Variants in NRG1 observed in about 807,000 individuals in gnomAD.
NRG1 encodes pro-neuregulin-1, membrane-bound isoform.
Under a neutral mutation model 63.8 loss-of-function variants are expected in NRG1, and 18 were observed. The observed-to-expected ratio is 0.28, with a 90% CI of 0.19 to 0.42. NRG1 has a LOEUF of 0.42. NRG1 is among the 10% of genes least tolerant of loss of function. The pLI, the probability that NRG1 is intolerant of heterozygous loss-of-function variation, is 1.00. For synonymous variants in NRG1, 302 were observed against 301.3 expected (o/e 1.00, Z -0.02); for missense variants, 762 against 814.7 (o/e 0.94, Z 0.79).
Position 32,572,522 on chromosome 8 carries a change from C to G in NRG1, c.101-23306C>G, listed in dbSNP as rs1240272046. 2.0e-5 allele frequency among the ~76,000 whole-genome samples: 3 copies of G among 152,156 alleles called. No homozygotes were observed. The East Asian group carries it at 5.8e-4, about 29-fold the overall frequency. On this transcript the variant is annotated intron_variant, in intron 1 of 11. Coordinates refer to ENST00000356819, the Ensembl canonical transcript of NRG1. ...ATAGTGTCGTCTTAACTGCAATGTA[C>G]TATCCTAACTTTCAATTACATCTTA...
intron 1 of NRG1, among the ~76,000 whole-genome samples, chr8:32,015,847 CTT>C (rs1338175159): frequency 4.0e-5 from 6 of 150,108 alleles, no homozygotes; most frequent in Non-Finnish European, 7.4e-5. Context: ...GAAGTTTTCT[CTT>C]GTTTGTTTTT....
At chr8:32,482,418 G>GTGTGTGTGTA (rs1825416703) in intron 1 of NRG1, among the ~76,000 whole-genome samples, 1 of 150,718 alleles carries the variant, frequency 6.6e-6, no homozygotes, top group Non-Finnish European at 1.5e-5. Flanking sequence ...GTGTGTGTGT[G>GTGTGTGTGTA]TGTGTGTTCT....
chr8:32,317,609 A>G (rs1474792529), intron 1 of NRG1, among the ~76,000 whole-genome samples: 2 of 152,298 alleles, frequency 1.3e-5, no homozygotes, highest in East Asian at 3.9e-4. Context: ...ATTACTTGCA[A>G]TTGTTTTGGC....
intron 5 of NRG1, among the ~76,000 whole-genome samples, chr8:32,670,976 G>T (rs1805496171): frequency 6.6e-6 from 1 of 152,136 alleles, no homozygotes; most frequent in Non-Finnish European, 1.5e-5. Context: ...ATCTCACATT[G>T]AGAGGAGGGC....
intron 1 of NRG1, among the ~76,000 whole-genome samples, chr8:32,355,303 C>CA (rs1372230634): frequency 2.0e-5 from 3 of 151,662 alleles, no homozygotes; most frequent in Non-Finnish European, 4.4e-5. Context: ...TACTAAAATA[C>CA]AAAAAATTAG....
intron 1 of NRG1, among the ~76,000 whole-genome samples, chr8:32,285,515 G>A (rs571858662): frequency 2.3e-4 from 35 of 152,266 alleles, no homozygotes; most frequent in Non-Finnish European, 4.4e-4. Context: ...GACCAAGTAC[G>A]GAAATACACT....
At chr8:32,341,775 T>C (rs1314915573) in intron 1 of NRG1, among the ~76,000 whole-genome samples, 2 of 152,186 alleles carry the variant, frequency 1.3e-5, no homozygotes, top group Non-Finnish European at 2.9e-5. Flanking sequence ...AAAGGAATTT[T>C]GTGGCTTCCA....
intron 1 of NRG1, among the ~76,000 whole-genome samples, chr8:32,175,731 A>G: frequency 6.6e-6 from 1 of 152,224 alleles, no homozygotes; most frequent in Non-Finnish European, 1.5e-5. Flanking sequence ...TCCCATTCAC[A>G]ATTGCTTCAA....
intron 5 of NRG1, among the ~76,000 whole-genome samples, chr8:32,670,444 A>G (rs1005164622): frequency 2.0e-5 from 3 of 152,076 alleles, no homozygotes; most frequent in African/African-American, 7.2e-5. Context: ...TCCAAAGAGA[A>G]TGGCTGACTA....
intron 1 of NRG1, among the ~76,000 whole-genome samples, chr8:32,336,349 G>A (rs1029247900): frequency 4.6e-5 from 7 of 152,178 alleles, no homozygotes; most frequent in Non-Finnish European, 5.9e-5. Flanking sequence ...ATGGAGCAGC[G>A]AGAGAACAAC....
chr8:32,513,447 A>G (rs1237267058), intron 1 of NRG1, among the ~76,000 whole-genome samples: 1 of 151,430 alleles, frequency 6.6e-6, no homozygotes, highest in Non-Finnish European at 1.5e-5. Flanking sequence ...GATTTCTCCT[A>G]TAGTAGTTGA....
At chr8:31,816,424 T>C (rs1191271231) in intron 1 of NRG1, among the ~76,000 whole-genome samples, 3 of 152,242 alleles carry the variant, frequency 2.0e-5, no homozygotes, top group East Asian at 3.8e-4. Context: ...TAATTCCTTC[T>C]TCCTTTCCTC....
intron 5 of NRG1, among the ~76,000 whole-genome samples, chr8:32,631,799 T>C (rs1850359492): frequency 1.3e-5 from 2 of 152,180 alleles, no homozygotes; most frequent in African/African-American, 2.4e-5. Context: ...CTAGGACGCT[T>C]TGAGACTCCG....
At chr8:32,114,488 C>T (rs1296860608) in intron 1 of NRG1, among the ~76,000 whole-genome samples, 3 of 152,088 alleles carry the variant, frequency 2.0e-5, no homozygotes, top group African/African-American at 7.2e-5. Flanking sequence ...CCTTTCAGCA[C>T]CTGCTGATGG....
At chr8:31,919,056 T>G (rs1294055380) in intron 1 of NRG1, among the ~76,000 whole-genome samples, 1 of 152,178 alleles carries the variant, frequency 6.6e-6, no homozygotes, top group African/African-American at 2.4e-5. Flanking sequence ...ATATCCCCTT[T>G]ATCATTTTTT....
chr8:32,599,536 T>C (rs1458653369), intron 2 of NRG1, among the ~76,000 whole-genome samples: 6 of 152,228 alleles, frequency 3.9e-5, no homozygotes, highest in African/African-American at 1.4e-4. Context: ...ACGTGTTCTT[T>C]GTATGATTTT....
intron 1 of NRG1, among the ~76,000 whole-genome samples, chr8:32,557,996 T>G (rs1835514331): frequency 6.6e-6 from 1 of 152,182 alleles, no homozygotes; most frequent in African/African-American, 2.4e-5. Context: ...TATTTTGATA[T>G]TTAGAAAGGA....
chr8:32,275,086 C>A (rs1390306860), intron 1 of NRG1, among the ~76,000 whole-genome samples: 1 of 152,044 alleles, frequency 6.6e-6, no homozygotes, highest in African/African-American at 2.4e-5. Context: ...TTCCAGGCAG[C>A]CTGGAAGAGA....
intron 1 of NRG1, among the ~76,000 whole-genome samples, chr8:32,122,952 G>A (rs1451803897): frequency 6.6e-6 from 1 of 151,818 alleles, no homozygotes; most frequent in Non-Finnish European, 1.5e-5. Flanking sequence ...AAGGACATAA[G>A]GAAATGTGGC....
Sources: allele counts gnomAD v4.1 joint callset (sites outside exome capture counted in the v4.1 genomes callset), GRCh38; gene constraint gnomAD v4.1.1; transcripts MANE v1.5; gene names NCBI Gene and HGNC (gene_info 2026-07-23, HGNC 2026-07-21).